Variants in DCP1A observed in about 807,000 individuals in gnomAD.
DCP1A encodes decapping mRNA 1A, also known as mRNA-decapping enzyme 1A.
DCP1A carries 20 observed loss-of-function variants against 58.0 expected under a neutral mutation model. The ratio of observed to expected loss-of-function variants is 0.34; its 90% CI spans 0.24 to 0.50. The LOEUF (loss-of-function observed/expected upper bound fraction) is 0.50. Ranked by LOEUF, DCP1A falls within the 20% of genes least tolerant of loss-of-function variation. DCP1A has a pLI of 0.98. For synonymous variants in DCP1A, 285 were observed against 275.1 expected (o/e 1.04, Z -0.36); for missense variants, 613 against 712.2 (o/e 0.86, Z 1.59).
At chr3:53,329,686 C>T (rs1002274807) in intron 3 of DCP1A, among the ~76,000 whole-genome samples, 21 of 152,244 alleles carry the variant, frequency 1.4e-4, no homozygotes, top group Non-Finnish European at 2.8e-4. Context: ...AAATAAAATT[C>T]GGGAAATGTC....
chr3:53,338,447 A>C (rs1175323628), intron 3 of DCP1A, among the ~76,000 whole-genome samples: 1 of 151,460 alleles, frequency 6.6e-6, no homozygotes, highest in Non-Finnish European at 1.5e-5. Context: ...CACCACCACT[A>C]CCCCACAAAG....
rs35824245 is a variant in DCP1A, at chr3:53,338,860, CA to C, written c.304+3283del. On this transcript the variant is annotated intron_variant, in intron 3 of 9. Coordinates refer to ENST00000610213, the MANE Select transcript of DCP1A (RefSeq NM_018403.7). ...TGGGTGACAGAGCAAGGCTCCGTCT[CA>C]AAAAAAAAAAAAAAGAAAAACTCTT... is the stretch of plus-strand genomic sequence containing the variant. Among the ~76,000 whole-genome samples, 79 of 108,178 alleles carry C rather than the reference CA, an allele frequency of 7.3e-4. 1 individual carries two copies. Among genetic ancestry groups the C allele is most frequent in the South Asian group, 6.6e-3 (19 of 2,884 alleles). The allele number at this position is 108,178 out of a possible 152,430, so 71.0% of individuals were successfully genotyped here. A position where few individuals can be genotyped will look rare whatever the true frequency, so the allele number is the denominator to read the frequency against.
intron 5 of DCP1A, among the ~76,000 whole-genome samples, chr3:53,305,539 G>A (rs575720843): frequency 1.3e-5 from 2 of 151,552 alleles, no homozygotes; most frequent in East Asian, 1.9e-4. Context: ...TAGTAGAGAC[G>A]GGGTTTCACC....
At chr3:53,296,981 T>C (rs1286075259) in intron 6 of DCP1A, among the ~76,000 whole-genome samples, 1 of 152,218 alleles carries the variant, frequency 6.6e-6, no homozygotes, top group Non-Finnish European at 1.5e-5. Flanking sequence ...CCATAGTGCC[T>C]GAACCATTTT....
At chr3:53,344,634 C>A (rs548927291) in intron 2 of DCP1A, among the ~76,000 whole-genome samples, 1 of 152,082 alleles carries the variant, frequency 6.6e-6, no homozygotes, top group Non-Finnish European at 1.5e-5. Flanking sequence ...GGAAGAGAGA[C>A]GCAGGCATCC....
chr3:53,310,853 T>C (rs1553688575), intron 5 of DCP1A, among the ~76,000 whole-genome samples: 1 of 152,228 alleles, frequency 6.6e-6, no homozygotes, highest in African/African-American at 2.4e-5. Flanking sequence ...TATCAGAATG[T>C]AGAAGGTCTA....
At chr3:53,317,377 C>T (rs1237313837) in intron 4 of DCP1A, among the ~76,000 whole-genome samples, 1 of 152,182 alleles carries the variant, frequency 6.6e-6, no homozygotes, top group African/African-American at 2.4e-5. Context: ...GTTGGTCAGG[C>T]TGGTCTCGCA....
intron 3 of DCP1A, among the ~76,000 whole-genome samples, chr3:53,325,157 T>C (rs1428823118): frequency 6.6e-6 from 1 of 152,220 alleles, no homozygotes; most frequent in Non-Finnish European, 1.5e-5. Flanking sequence ...TGATTTCATA[T>C]AAAATATTTC....
chr3:53,320,427 T>C (rs1707928116), intron 3 of DCP1A, among the ~76,000 whole-genome samples: 1 of 152,154 alleles, frequency 6.6e-6, no homozygotes, highest in South Asian at 2.1e-4. Flanking sequence ...GACACACGGA[T>C]GGATAAGACC....
intron 7 of DCP1A, among the ~76,000 whole-genome samples, chr3:53,291,488 T>C (rs1553685983): frequency 6.6e-6 from 1 of 151,542 alleles, no homozygotes; most frequent in Non-Finnish European, 1.5e-5. Context: ...CCCACTACCC[T>C]TCCCAGCCTC....
At chr3:53,326,325 T>C (rs927656516) in intron 3 of DCP1A, among the ~76,000 whole-genome samples, 1 of 152,236 alleles carries the variant, frequency 6.6e-6, no homozygotes, top group Non-Finnish European at 1.5e-5. Flanking sequence ...TCTTAAACAA[T>C]GGGCAACCCT....
At chr3:53,324,976 T>C (rs1553690429) in intron 3 of DCP1A, among the ~76,000 whole-genome samples, 1 of 152,198 alleles carries the variant, frequency 6.6e-6, no homozygotes, top group East Asian at 1.9e-4. Flanking sequence ...ATTAAATGTT[T>C]CCTTTGCTTT....
At chr3:53,292,011 T>G in intron 7 of DCP1A, 58 bp downstream of exon 7, 3 of 1,523,752 alleles carry the variant, frequency 2.0e-6, no homozygotes, top group Non-Finnish European at 2.6e-6. Flanking sequence ...GTCTCTGTAG[T>G]TTCATCCCAT....
At chr3:53,295,183 G>A (rs1707079114) in intron 6 of DCP1A, among the ~76,000 whole-genome samples, 1 of 152,162 alleles carries the variant, frequency 6.6e-6, no homozygotes. Flanking sequence ...TTCTCTCCCT[G>A]GTATGAGGAC....
At chr3:53,335,240 A>G (rs1415479494) in intron 3 of DCP1A, among the ~76,000 whole-genome samples, 1 of 152,000 alleles carries the variant, frequency 6.6e-6, no homozygotes, top group Non-Finnish European at 1.5e-5. Context: ...TCCCGGGTTC[A>G]AGCGATTTTC....
chr3:53,344,844 T>C lies in DCP1A; in HGVS notation c.176+58A>G, dbSNP rs2089273009. 3 of 1,306,956 alleles carry C rather than the reference T, an allele frequency of 2.3e-6. No individual in the cohort carries two copies. In the South Asian group the frequency reaches 3.7e-5, roughly 16 times the overall value. The allele number at this position is 1,306,956 out of a possible 1,614,324, so 81.0% of individuals were successfully genotyped here. On this transcript the variant is annotated intron_variant, in intron 2 of 9. Transcript: ENST00000610213. The stretch of plus-strand genomic sequence containing the variant: ...ACAAATGTACAAGAGAATTGAACCG[T>C]TTCACATTGTTCACCACTAGACTGT...
chr3:53,286,687 C>T lies in DCP1A; in HGVS notation c.*893G>A, dbSNP rs1448542648. On this transcript the variant is annotated 3_prime_UTR_variant, in exon 10 of 10. Coordinates refer to ENST00000610213, the MANE Select transcript of DCP1A (RefSeq NM_018403.7). ...CACTCAAGGAAAGGAACCAGAATGG[C>T]TTTGTCAGATTGGTCCACTGGTCCT... 3 of 152,226 alleles carry T rather than the reference C, an allele frequency of 2.0e-5. No individual in the cohort carries two copies. The highest frequency in any genetic ancestry group is 7.2e-5 in the African/African-American group (3 of 41,454). 9.4% of individuals were successfully genotyped at this position (152,226 alleles called of 1,614,324 possible). A position where few individuals can be genotyped will look rare whatever the true frequency, so the allele number is the denominator to read the frequency against.
chr3:53,313,716 G>T (rs1339931597), intron 4 of DCP1A, among the ~76,000 whole-genome samples: 1 of 151,520 alleles, frequency 6.6e-6, no homozygotes, highest in Non-Finnish European at 1.5e-5. Flanking sequence ...TTGAGCCCAG[G>T]AGTTTGAGAC....
At chr3:53,300,264 T>C (rs1707269991) in intron 6 of DCP1A, among the ~76,000 whole-genome samples, 1 of 152,140 alleles carries the variant, frequency 6.6e-6, no homozygotes, top group African/African-American at 2.4e-5. Context: ...ACAGACGCAG[T>C]GCTATTGTTG....
Sources: allele counts gnomAD v4.1 joint callset (sites outside exome capture counted in the v4.1 genomes callset), GRCh38; gene constraint gnomAD v4.1.1; transcripts MANE v1.5; gene names NCBI Gene and HGNC (gene_info 2026-07-23, HGNC 2026-07-21).